BTBD16: variants seen among roughly 807,000 people sequenced by gnomAD.
BTBD16 encodes the protein BTB/POZ domain-containing protein 16.
Under a neutral mutation model 67.4 loss-of-function variants are expected in BTBD16, and 66 were observed. That is an observed-to-expected ratio of 0.98 (90% CI 0.80 to 1.20). BTBD16 has a LOEUF of 1.20. Ranked by LOEUF, BTBD16 falls within the 50% of genes most tolerant of loss-of-function variation. BTBD16 has a pLI of 0.00. For missense variants in BTBD16, 634 were observed against 616.0 expected (o/e 1.03, Z -0.31); for synonymous variants, 242 against 236.4 (o/e 1.02, Z -0.22).
intron 8 of BTBD16, 123 bp downstream of exon 8, chr10:122,297,960 T>C (rs2096386680): frequency 1.2e-6 from 1 of 815,222 alleles, no homozygotes; most frequent in Non-Finnish European, 2.0e-6. Context: ...TCATCAAATA[T>C]TTTATTTTGC....
chr10:122,311,524 A>G (rs1477395242), intron 10 of BTBD16, among the ~76,000 whole-genome samples: 1 of 152,252 alleles, frequency 6.6e-6, no homozygotes, highest in Non-Finnish European at 1.5e-5. Flanking sequence ...TGTTGCCTTC[A>G]TCTATGAAGG....
intron 10 of BTBD16, among the ~76,000 whole-genome samples, chr10:122,319,990 A>G (rs1039945269): frequency 6.6e-6 from 1 of 152,044 alleles, no homozygotes; most frequent in Admixed American, 6.6e-5. Flanking sequence ...TTTAACTTTG[A>G]TTTCTGATTG....
chr10:122,327,362 A>C (rs997163269), intron 10 of BTBD16: 3 of 152,390 alleles, frequency 2.0e-5, no homozygotes, highest in Admixed American at 1.3e-4. Context: ...CGGGAGGACA[A>C]TGGTGGTGCT....
chr10:122,327,151 G>A (rs1365834294), intron 10 of BTBD16, among the ~76,000 whole-genome samples: 2 of 152,186 alleles, frequency 1.3e-5, no homozygotes, highest in African/African-American at 4.8e-5. Context: ...CCCAGAGCCG[G>A]GTTATATTGA....
rs762748086 is a variant in BTBD16 at position 122,336,557 on chromosome 10, C to T, written c.1327C>T (p.Arg443Ter). 1.4e-5 allele frequency: 22 copies of T among 1,612,456 alleles called. No individual in the cohort carries two copies. The highest frequency in any genetic ancestry group is 8.9e-5 in the East Asian group (4 of 44,782). Residue 443 changes from arginine (R) to a stop codon, truncating the protein, a stop_gained, in exon 15 of 16, where the codon CGA becomes TGA. Transcript: ENST00000260723. LOFTEE classifies it high-confidence loss of function. ...CTACGAGCACAACCACGTCAGCCTGCGAGCGGCACGCCTGGTGAAGTATGA... is the reference window on the plus strand; with the variant it reads ...CTACGAGCACAACCACGTCAGCCTGTGAGCGGCACGCCTGGTGAAGTATGA... ...AVYEHNHVSLRAARLVKYEIR... is the reference protein window; with the variant it reads ...AVYEHNHVSL
At chr10:122,299,915 C>G (rs911954249) in intron 9 of BTBD16, among the ~76,000 whole-genome samples, 5 of 152,292 alleles carry the variant, frequency 3.3e-5, no homozygotes, top group Non-Finnish European at 7.4e-5. Flanking sequence ...TCAACTCACA[C>G]AGCATAAGTG....
chr10:122,286,221 C>G lies in BTBD16; in HGVS notation c.358C>G (p.Leu120Val), dbSNP rs561249816. Residue 120 changes from leucine to valine, a missense_variant, in exon 5 of 16, where the codon CTG becomes GTG. Leu to Val is a conservative substitution (Grantham distance 32). Coordinates refer to ENST00000260723, the MANE Select transcript of BTBD16 (RefSeq NM_144587.5). ...CCTGGCGCAGGGCACCACACACCCC[C>G]TGAGGGAGCTGGAGGAGCTTCTGCG... ...KALAQGTTHP[L>V]RELEELLRAQ... The G allele has an allele frequency of 1.2e-6, 2 of 1,611,912 alleles. No homozygotes were observed. Among genetic ancestry groups the G allele is most frequent in the African/African-American group, 1.3e-5 (1 of 75,040 alleles).
chr10:122,287,841 G>A (rs1461498242), intron 5 of BTBD16, among the ~76,000 whole-genome samples: 2 of 152,154 alleles, frequency 1.3e-5, no homozygotes, highest in African/African-American at 2.4e-5. Context: ...ATTCTCTAGC[G>A]TGGAATCCAA....
chr10:122,310,879 A>G (rs1487309452), intron 10 of BTBD16, among the ~76,000 whole-genome samples: 3 of 152,168 alleles, frequency 2.0e-5, no homozygotes, highest in East Asian at 3.9e-4. Context: ...CTACCAGGAA[A>G]GAAGCTGAGC....
At chr10:122,326,021 T>C (rs1006972221) in intron 10 of BTBD16, among the ~76,000 whole-genome samples, 3 of 151,060 alleles carry the variant, frequency 2.0e-5, no homozygotes, top group Non-Finnish European at 4.4e-5. Context: ...AAGTCTTCTA[T>C]GCTGAGTTAT....
chr10:122,320,934 G>A lies in BTBD16; in HGVS notation c.912-8546G>A, dbSNP rs374209536. Among the ~76,000 whole-genome samples, 121 of 152,010 alleles carry A rather than the reference G, an allele frequency of 8.0e-4. No homozygotes were observed. In the South Asian group the frequency reaches 0.017, roughly 21 times the overall value. On this transcript the variant is annotated intron_variant, in intron 10 of 15. Coordinates refer to ENST00000260723, the MANE Select transcript of BTBD16 (RefSeq NM_144587.5). ...GATATATTACATGATGCTCAGGTGCGGTACAATGGACCCTGTCACCCAGGT... is the reference window on the plus strand; with the variant it reads ...GATATATTACATGATGCTCAGGTGCAGTACAATGGACCCTGTCACCCAGGT...
intron 5 of BTBD16, among the ~76,000 whole-genome samples, chr10:122,287,064 C>CCCTGAG (rs1403462011): frequency 6.6e-6 from 1 of 152,210 alleles, no homozygotes; most frequent in Non-Finnish European, 1.5e-5. Context: ...CACTCCCCCT[C>CCCTGAG]CCTGAGCCTG....
intron 9 of BTBD16, among the ~76,000 whole-genome samples, chr10:122,305,635 C>A (rs1027055526): frequency 6.6e-6 from 1 of 152,154 alleles, no homozygotes; most frequent in African/African-American, 2.4e-5. Flanking sequence ...GTCAAGTAAA[C>A]CTCTTTTCTT....
intron 10 of BTBD16, among the ~76,000 whole-genome samples, chr10:122,328,188 G>A (rs559715299): frequency 6.6e-6 from 1 of 152,204 alleles, no homozygotes; most frequent in Non-Finnish European, 1.5e-5. Context: ...AGTGTTATTT[G>A]TCCCACGAAG....
At chr10:122,337,883 A>G (rs776676869) in intron 15 of BTBD16, 134 bp from the exon 16 acceptor site, 7 of 660,160 alleles carry the variant, frequency 1.1e-5, no homozygotes, top group Admixed American at 5.8e-5. Context: ...TAACCTCTGC[A>G]GGTTATTCTG....
intron 10 of BTBD16, among the ~76,000 whole-genome samples, chr10:122,313,219 A>G (rs1048918775): frequency 6.7e-6 from 1 of 149,590 alleles, no homozygotes; most frequent in Non-Finnish European, 1.5e-5. Flanking sequence ...ATTTTAAGGC[A>G]TTATAATCTA....
At chr10:122,314,622 A>C (rs755599605) in intron 10 of BTBD16, among the ~76,000 whole-genome samples, 20 of 152,206 alleles carry the variant, frequency 1.3e-4, no homozygotes, top group Admixed American at 2.0e-4. Context: ...TGCTGACTCT[A>C]TTGTAAATAG....
At chr10:122,319,175 CT>C (rs2096431371) in intron 10 of BTBD16, among the ~76,000 whole-genome samples, 1 of 152,078 alleles carries the variant, frequency 6.6e-6, no homozygotes, top group African/African-American at 2.4e-5. Context: ...AAATCTATTA[CT>C]TATATTTTCA....
chr10:122,285,676 CA>C (rs199927373), intron 4 of BTBD16, among the ~76,000 whole-genome samples: 2,218 of 152,276 alleles, frequency 0.015, 59 homozygotes, highest in African/African-American at 0.05. Context: ...AGCACCCCAA[CA>C]GGCACGTATC....
Sources: allele counts gnomAD v4.1 joint callset (sites outside exome capture counted in the v4.1 genomes callset), GRCh38; gene constraint gnomAD v4.1.1; transcripts MANE v1.5; gene names NCBI Gene and HGNC (gene_info 2026-07-23, HGNC 2026-07-21).